Variants in RIN1 observed in about 807,000 individuals in gnomAD.
RIN1 encodes the protein ras inhibitor 1.
In RIN1, 52 loss-of-function variants were observed where a neutral mutation model predicts 64.9. That is an observed-to-expected ratio of 0.80 (90% CI 0.64 to 1.01). RIN1 has a LOEUF of 1.01. Ranked by LOEUF, RIN1 falls within the 50% of genes least tolerant of loss-of-function variation. RIN1 has a pLI of 0.00. For synonymous variants in RIN1, 486 were observed against 483.6 expected, an observed-to-expected ratio of 1.00 and a Z score of -0.06; for missense variants, 1,040 against 1,064.5, an observed-to-expected ratio of 0.98 and a Z score of 0.32.
upstream of RIN1, chr11:66,336,467 T>C (rs995372016): frequency 2.2e-6 from 3 of 1,387,148 alleles, no homozygotes; most frequent in Non-Finnish European, 1.0e-6. Flanking sequence ...ACATCCCCAG[T>C]GAGTAACACT....
At chr11:66,335,578 G>C (rs781064872) in intron 4 of RIN1, 32 bp downstream of exon 4, 1 of 1,611,338 alleles carries the variant, frequency 6.2e-7, no homozygotes, top group Non-Finnish European at 8.5e-7. Context: ...AGCAGGGCCC[G>C]TGGACACCAG....
chr11:66,335,015 C>A lies in RIN1; in HGVS notation c.784G>T (p.Val262Leu), dbSNP rs751028918. The A allele has an allele frequency of 1.3e-6, 2 of 1,538,786 alleles. No homozygotes were observed. Among genetic ancestry groups the A allele is most frequent in the Non-Finnish European group, 1.7e-6 (2 of 1,144,870 alleles). Reference protein sequence around the residue: ...ETSSPLSPPAVPPPPVPVLPG... With the variant: ...ETSSPLSPPALPPPPVPVLPG... The stretch of plus-strand genomic sequence containing the variant: ...AGCACGGGGACGGGGGGAGGTGGCA[C>A]GGCAGGTGGAGACAGGGGGCTGGAG... The change falls in exon 6 of 10, where the codon GTG becomes TTG. Residue 262 changes from valine (V) to leucine (L), a missense_variant. Physicochemically the swap from Val to Leu is conservative, Grantham distance 32 (BLOSUM62 1). Transcript: ENST00000311320.
At chr11:66,335,279 T>C (rs1854854848) in intron 5 of RIN1, 28 bp from the exon 6 acceptor site, 4 of 1,563,844 alleles carry the variant, frequency 2.6e-6, no homozygotes, top group South Asian at 2.4e-5. Flanking sequence ...GACTGGGGCC[T>C]CCGGGACTGG....
chr11:66,335,347 C>T (rs1590921318), intron 5 of RIN1, 60 bp downstream of exon 5: 1 of 1,558,838 alleles, frequency 6.4e-7, no homozygotes, highest in East Asian at 2.3e-5. Context: ...TGCTGCGAGC[C>T]TTGCCTTCCC....
In RIN1 at chr11:66,335,172, C is replaced by A. The variant is rs1854851471; in HGVS notation, c.627G>T (p.Arg209=). The A allele has an allele frequency of 6.4e-7, 1 of 1,554,628 alleles. No homozygotes were observed. Among genetic ancestry groups the A allele is most frequent in the Non-Finnish European group, 8.6e-7 (1 of 1,159,052 alleles). Residue 209 remains arginine, a synonymous_variant, in exon 6 of 10, where the codon CGG becomes CGT. Transcript: ENST00000311320. The part of the protein sequence containing the change: ...GGPVLPQLKA[R]SPQELDQGTG... ...TGCCCTGGTCCAGCTCTTGAGGGGA[C>A]CGGGCCTTCAGCTGGGGCAACACTG...
In RIN1 at chr11:66,332,417, C is replaced by T. The variant is rs61547186; in HGVS notation, c.2211G>A (p.Gly737=). ...TGGGGCTGGCTTTGACCCCAGCATC[C>T]CCATCTCCCTGGCACCCTTGCTCCT... ...RGEEQGCQGD[G]DAGVKASPRD... The change falls in exon 10 of 10, where the codon GGG becomes GGA. Residue 737 remains glycine (G), a synonymous_variant. Transcript: ENST00000311320. The T allele has an allele frequency of 5.2e-3, 8,430 of 1,614,130 alleles. 379 individuals are homozygous for T. The African/African-American group carries it at 0.1, about 19-fold the overall frequency.
Position 66,333,656 on chromosome 11 carries a change from C to A in RIN1, c.1594G>T (p.Glu532Ter). ...AGGAACTCGTCGGCACCCGCGCCCT[C>A]CCCTGTGGGGACATGGTGAGAGGAA... ...LYMALRTQEG[E>*]GAGADEFLPL... Residue 532 changes from glutamate to a stop codon, truncating the protein, a stop_gained and splice_region_variant, in exon 8 of 10, where the codon GAG becomes TAG. Transcript: ENST00000311320. LOFTEE classifies it high-confidence loss of function. 6.2e-7 allele frequency: 1 copy of A among 1,610,920 alleles called. No homozygotes were observed. Among genetic ancestry groups the A allele is most frequent in the African/African-American group, 1.3e-5 (1 of 74,954 alleles).
At position 66,332,278 on chromosome 11, in the gene RIN1, ACTC is replaced by A; in HGVS notation, c.2347_2349del (p.Glu783del). 6.2e-7 allele frequency: 1 copy of A among 1,613,372 alleles called. No individual in the cohort carries two copies. Among genetic ancestry groups the A allele is most frequent in the Non-Finnish European group, 8.5e-7 (1 of 1,179,806 alleles). On this transcript the variant is annotated inframe_deletion, in exon 10 of 10. Transcript: ENST00000311320. ...ATGACCCTTCTGGCCACTTCAAGCT[ACTC>A]CTCTGCTGCCCGGCTTCCCTCTGCC... is the stretch of plus-strand genomic sequence containing the variant.
Position 66,336,038 on chromosome 11 carries a change from C to T in RIN1, c.207G>A (p.Trp69Ter). Reference protein sequence around the residue: ...RERLLLTRPVWLQLQANAAAA... With the variant: ...RERLLLTRPV Reference sequence around the variant, plus strand: ...CCGCTGCGTTGGCTTGCAGCTGCAGCCACACGGGCCGGGTGAGCAGCAGGC... The same window carrying T: ...CCGCTGCGTTGGCTTGCAGCTGCAGTCACACGGGCCGGGTGAGCAGCAGGC... The change falls in exon 2 of 10, where the codon TGG becomes TGA. Residue 69 changes from tryptophan to a stop codon, truncating the protein, a stop_gained. Transcript: ENST00000311320. LOFTEE classifies it high-confidence loss of function. 2 of 1,467,160 alleles carry T rather than the reference C, an allele frequency of 1.4e-6. No homozygotes were observed. Among genetic ancestry groups the T allele is most frequent in the Non-Finnish European group, 1.8e-6 (2 of 1,108,286 alleles). The allele number at this position is 1,467,160 out of a possible 1,614,324, so 90.9% of individuals were successfully genotyped here.
Position 66,335,135 on chromosome 11 carries a change from A to G in RIN1, c.664T>C (p.Leu222=), listed in dbSNP as rs1357051384. 6.5e-7 allele frequency: 1 copy of G among 1,541,904 alleles called. No homozygotes were observed. The highest frequency in any genetic ancestry group is 8.7e-7 in the Non-Finnish European group (1 of 1,148,530). The stretch of plus-strand genomic sequence containing the variant: ...GGGAACAGGGGGTTGAAGAAGCACA[A>G]GGCGGCTCCGGTGCCCTGGTCCAGC... The part of the protein sequence containing the change: ...QELDQGTGAA[L]CFFNPLFPGD... The change falls in exon 6 of 10, where the codon TTG becomes CTG. Residue 222 remains leucine (L), a synonymous_variant. Coordinates refer to ENST00000311320, the MANE Select transcript of RIN1 (RefSeq NM_004292.3).
At position 66,330,581 on chromosome 11, in the gene RIN1, A is replaced by ACATGGGG. The variant is rs1854717861; in HGVS notation, c.*1688_*1694dup. On this transcript the variant is annotated 3_prime_UTR_variant, in exon 10 of 10. Transcript: ENST00000311320. ...CGGGAGTTTGAGACCAGCCTGGCCA[A>ACATGGGG]CATGGGGAAACCCCGTCTCTACTAG... 2 of 152,350 alleles carry ACATGGGG rather than the reference A, an allele frequency of 1.3e-5. No individual in the cohort carries two copies. The highest frequency in any genetic ancestry group is 4.1e-4 in the South Asian group (2 of 4,840). The allele number at this position is 152,350 out of a possible 1,614,324, so 9.4% of individuals were successfully genotyped here.
chr11:66,332,914 G>T, intron 9 of RIN1, 162 bp from the exon 10 acceptor site: 6 of 641,674 alleles, frequency 9.4e-6, no homozygotes, highest in Non-Finnish European at 1.6e-5. Context: ...TCCAGGGGTC[G>T]GCTTGTGGGC....
intron 9 of RIN1, 164 bp downstream of exon 9, chr11:66,333,094 G>GGCACGAA: frequency 1.3e-6 from 1 of 784,936 alleles, no homozygotes; most frequent in East Asian, 2.6e-5. Context: ...AGAAAACTGA[G>GGCACGAA]GCACGAAGTA....
At position 66,333,998 on chromosome 11, in the gene RIN1, G is replaced by A; in HGVS notation, c.1512C>T (p.Arg504=). 1.3e-6 allele frequency: 2 copies of A among 1,564,936 alleles called. No homozygotes were observed. The highest frequency in any genetic ancestry group is 8.7e-7 in the Non-Finnish European group (1 of 1,155,282). ...TGACCTGGGCGCTGGGTGAGTAGGT[G>A]CGGAGCAGCTGCAGCAGCTTCTGGC... ...QVRQKLLQLL[R]TYSPSAQVKR... is the part of the protein sequence containing the mutation. Residue 504 remains arginine, a synonymous_variant, in exon 7 of 10, where the codon CGC becomes CGT. Transcript: ENST00000311320.
Position 66,333,663 on chromosome 11 carries a change from G to A in RIN1, c.1592-5C>T. ...CGTCGGCACCCGCGCCCTCCCCTGT[G>A]GGGACATGGTGAGAGGAAGAAGCTT... On this transcript the variant is annotated splice_region_variant and splice_polypyrimidine_tract_variant and intron_variant, in intron 7 of 9. Transcript: ENST00000311320. 6.2e-7 allele frequency: 1 copy of A among 1,609,222 alleles called. No individual in the cohort carries two copies. The highest frequency in any genetic ancestry group is 8.5e-7 in the Non-Finnish European group (1 of 1,177,810).
chr11:66,334,451 C>T, intron 6 of RIN1, 63 bp downstream of exon 6: 2 of 1,565,514 alleles, frequency 1.3e-6, no homozygotes, highest in Non-Finnish European at 1.7e-6. Context: ...CAGGCTGGCG[C>T]TGTGGAGGGG....
At chr11:66,335,543 G>A in intron 4 of RIN1, 45 bp from the exon 5 acceptor site, 1 of 1,612,772 alleles carries the variant, frequency 6.2e-7, no homozygotes, top group Non-Finnish European at 8.5e-7. Flanking sequence ...GCCGAAGAGG[G>A]CGGGAAGGAT....
In RIN1 at chr11:66,336,063, C is replaced by T. The variant is rs762722949; in HGVS notation, c.182G>A (p.Arg61His). Residue 61 changes from arginine to histidine, a missense_variant, in exon 2 of 10, where the codon CGC (arginine) becomes CAC (histidine). Arg to His is a conservative substitution (Grantham distance 29). Transcript: ENST00000311320. ...RPGRVVSLRE[R>H]LLLTRPVWLQ... ...CCACACGGGCCGGGTGAGCAGCAGG[C>T]GCTCCCGCAGGCTCACAACGCGCCC... 16 of 1,463,594 alleles carry T rather than the reference C, an allele frequency of 1.1e-5. No homozygotes were observed. Among genetic ancestry groups the T allele is most frequent in the South Asian group, 4.1e-5 (3 of 72,380 alleles). 90.7% of individuals were successfully genotyped at this position (1,463,594 alleles called of 1,614,324 possible). A position where few individuals can be genotyped will look rare whatever the true frequency, so the allele number is the denominator to read the frequency against.
chr11:66,336,253 C>T (rs750935173), intron 1 of RIN1, 64 bp downstream of exon 1: 76 of 1,525,114 alleles, frequency 5.0e-5, no homozygotes, highest in Non-Finnish European at 6.3e-5. Flanking sequence ...TCTCTATCCC[C>T]GGATAGGCCC....
Sources: allele counts gnomAD v4.1 joint callset, GRCh38; gene constraint gnomAD v4.1.1; transcripts MANE v1.5; gene names NCBI Gene and HGNC (gene_info 2026-07-23, HGNC 2026-07-21).